Variants in ZCCHC7 observed in about 807,000 individuals in gnomAD.
The protein encoded by ZCCHC7 is zinc finger CCHC domain-containing protein 7.
Under a neutral mutation model 52.0 loss-of-function variants are expected in ZCCHC7, and 35 were observed. The ratio of observed to expected loss-of-function variants is 0.67; its 90% CI spans 0.51 to 0.89. ZCCHC7 has a LOEUF of 0.89. Among genes scored for constraint, ZCCHC7 ranks in the 40% least tolerant of loss-of-function variants. The probability of loss-of-function intolerance (pLI) is 0.00; values close to 1 mark genes in which losing one functional copy is unlikely to be tolerated. For synonymous variants in ZCCHC7, 217 were observed against 221.5 expected, an observed-to-expected ratio of 0.98 and a Z score of 0.18; for missense variants, 574 against 649.1, an observed-to-expected ratio of 0.88 and a Z score of 1.26.
chr9:37,277,958 C>T (rs1459792028), intron 2 of ZCCHC7, among the ~76,000 whole-genome samples: 1 of 151,706 alleles, frequency 6.6e-6, no homozygotes, highest in African/African-American at 2.4e-5. Context: ...CCAAGGGACA[C>T]TATGGGATGA....
rs3837244 is a variant in ZCCHC7, at chr9:37,305,832, G to GAT, written c.951+136_951+137dup. 5,910 of 726,438 alleles carry GAT rather than the reference G, an allele frequency of 8.1e-3. 1 individual carries two copies. Among genetic ancestry groups the GAT allele is most frequent in the East Asian group, 0.015 (514 of 33,446 alleles). 45.0% of individuals were successfully genotyped at this position (726,438 alleles called of 1,614,324 possible). On this transcript the variant is annotated intron_variant, in intron 5 of 8. Coordinates refer to ENST00000336755, the MANE Select transcript of ZCCHC7 (RefSeq NM_032226.3). ...ACCTAAAGGAATGTTTACTCCGTGA[G>GAT]ATATATATATATATATATAGTCATG...
intron 2 of ZCCHC7, among the ~76,000 whole-genome samples, chr9:37,153,109 CT>C (rs986050214): frequency 2.0e-5 from 3 of 151,806 alleles, no homozygotes; most frequent in African/African-American, 7.3e-5. Context: ...ATACTCCTAT[CT>C]TTTTTCCTTA....
At chr9:37,303,290 T>C (rs10973293) in intron 3 of ZCCHC7, among the ~76,000 whole-genome samples, 10,271 of 151,918 alleles carry the variant, frequency 0.068, 883 homozygotes, top group African/African-American at 0.2. Flanking sequence ...CCAGGTGTGG[T>C]GGCGGGCGCC....
chr9:37,260,101 C>G (rs1468606658), intron 2 of ZCCHC7, among the ~76,000 whole-genome samples: 1 of 152,190 alleles, frequency 6.6e-6, no homozygotes, highest in Non-Finnish European at 1.5e-5. Flanking sequence ...CAATAATATG[C>G]TGACAAAGGT....
intron 2 of ZCCHC7, among the ~76,000 whole-genome samples, chr9:37,288,744 C>G (rs1588618381): frequency 6.6e-6 from 1 of 152,084 alleles, no homozygotes; most frequent in Non-Finnish European, 1.5e-5. Flanking sequence ...TTGATAGATA[C>G]ATTGTGTTTA....
At chr9:37,235,346 CAT>C (rs1472579977) in intron 2 of ZCCHC7, among the ~76,000 whole-genome samples, 1 of 152,098 alleles carries the variant, frequency 6.6e-6, no homozygotes, top group Non-Finnish European at 1.5e-5. Context: ...TGGGAGAAAT[CAT>C]GTGGTATTTG....
intron 2 of ZCCHC7, among the ~76,000 whole-genome samples, chr9:37,240,329 A>C (rs746566811): frequency 1.3e-4 from 19 of 151,914 alleles, no homozygotes; most frequent in Non-Finnish European, 4.4e-5. Flanking sequence ...CAGAATATTA[A>C]ATTTATATTT....
intron 5 of ZCCHC7, among the ~76,000 whole-genome samples, chr9:37,310,952 C>T (rs552335302): frequency 7.7e-6 from 1 of 130,274 alleles, no homozygotes; most frequent in Non-Finnish European, 1.6e-5. Context: ...GTAAGACTCT[C>T]TCTTTTTAAA....
chr9:37,142,702 G>C (rs961548285), intron 2 of ZCCHC7, among the ~76,000 whole-genome samples: 31 of 151,574 alleles, frequency 2.0e-4, no homozygotes, highest in African/African-American at 7.3e-4. Context: ...TAGTTATATA[G>C]GCTTCATGAG....
rs1347393076 is a variant in ZCCHC7 at position 37,356,526 on chromosome 9, G to A, written c.1199-309G>A. On this transcript the variant is annotated intron_variant, in intron 8 of 8. Transcript: ENST00000336755. The stretch of plus-strand genomic sequence containing the variant: ...TGACTCGTCATCATTGGGGAAACTC[G>A]TATTGGTCAGACATGACTTTTCTTC... 4.6e-5 allele frequency among the ~76,000 whole-genome samples: 7 copies of A among 152,200 alleles called. No homozygotes were observed. The East Asian group carries it at 1.2e-3, about 25-fold the overall frequency.
intron 2 of ZCCHC7, among the ~76,000 whole-genome samples, chr9:37,212,426 T>G (rs1824291241): frequency 6.6e-6 from 1 of 152,230 alleles, no homozygotes; most frequent in South Asian, 2.1e-4. Context: ...AAATAAAGAC[T>G]TTTTCTACTT....
chr9:37,122,928 C>T (rs1842379290), intron 1 of ZCCHC7, among the ~76,000 whole-genome samples: 1 of 152,210 alleles, frequency 6.6e-6, no homozygotes, highest in Admixed American at 6.5e-5. Context: ...CAGAACGAGA[C>T]TCCGTCTCAA....
intron 2 of ZCCHC7, among the ~76,000 whole-genome samples, chr9:37,145,263 T>A (rs963300824): frequency 2.0e-5 from 3 of 152,008 alleles, no homozygotes; most frequent in African/African-American, 7.2e-5. Context: ...AGGGACCATG[T>A]TGAAAATTGG....
chr9:37,276,287 A>G (rs1406077562), intron 2 of ZCCHC7, among the ~76,000 whole-genome samples: 2 of 152,206 alleles, frequency 1.3e-5, no homozygotes, highest in Non-Finnish European at 2.9e-5. Context: ...TTGGACAGAT[A>G]TCTCCTTCCA....
At chr9:37,253,078 C>G (rs1190948840) in intron 2 of ZCCHC7, among the ~76,000 whole-genome samples, 1 of 151,904 alleles carries the variant, frequency 6.6e-6, no homozygotes, top group Non-Finnish European at 1.5e-5. Flanking sequence ...ACATTTGTCA[C>G]AAAAAGTTAA....
At chr9:37,177,360 A>T (rs996468414) in intron 2 of ZCCHC7, among the ~76,000 whole-genome samples, 1 of 152,280 alleles carries the variant, frequency 6.6e-6, no homozygotes, top group East Asian at 1.9e-4. Context: ...AAATAAAATT[A>T]AAAAATAAAA....
chr9:37,126,192 T>C (rs1842530030), intron 1 of ZCCHC7, 120 bp from the exon 2 acceptor site: 1 of 1,013,330 alleles, frequency 9.9e-7, no homozygotes, highest in African/African-American at 1.6e-5. Flanking sequence ...TATTTTAATA[T>C]GTCTGAGAAT....
chr9:37,271,403 A>G (rs1827404218), intron 2 of ZCCHC7, among the ~76,000 whole-genome samples: 1 of 152,206 alleles, frequency 6.6e-6, no homozygotes, highest in South Asian at 2.1e-4. Flanking sequence ...CTACAGATTC[A>G]GGGACTTAGT....
chr9:37,138,452 G>A (rs1021201590), intron 2 of ZCCHC7, among the ~76,000 whole-genome samples: 1 of 152,056 alleles, frequency 6.6e-6, no homozygotes, highest in African/African-American at 2.4e-5. Context: ...GTCTTCCAAA[G>A]TTAATTTATG....
Sources: gnomAD v4.1 joint callset for allele counts (sites outside exome capture counted in the v4.1 genomes callset) on GRCh38, gnomAD v4.1.1 for gene constraint, MANE v1.5 for transcripts, NCBI Gene and HGNC (gene_info 2026-07-23, HGNC 2026-07-21) for gene names.